The following GPC6 variants were observed in gnomAD, a reference collection of about 807,000 sequenced individuals.
GPC6 encodes glypican 6.
In GPC6, 14 loss-of-function variants were observed where a neutral mutation model predicts 55.2. The ratio of observed to expected loss-of-function variants is 0.25; its 90% CI spans 0.17 to 0.40. The LOEUF is 0.40. Ranked by LOEUF, GPC6 falls within the 10% of genes least tolerant of loss-of-function variation. The pLI, the probability that GPC6 is intolerant of heterozygous loss-of-function variation, is 1.00. For missense variants in GPC6, 641 were observed against 708.5 expected (o/e 0.90, Z 1.08); for synonymous variants, 278 against 259.6 (o/e 1.07, Z -0.68).
chr13:93,477,210 C>T (rs1879332286), intron 1 of GPC6, among the ~76,000 whole-genome samples: 1 of 151,536 alleles, frequency 6.6e-6, no homozygotes, highest in African/African-American at 2.4e-5. Context: ...TAGAGTATCC[C>T]AGATTTTAAA....
intron 4 of GPC6, among the ~76,000 whole-genome samples, chr13:94,055,050 G>A (rs1240455046): frequency 6.6e-6 from 1 of 152,178 alleles, no homozygotes; most frequent in Non-Finnish European, 1.5e-5. Context: ...TGTATGACTA[G>A]ATTCATATGC....
intron 2 of GPC6, among the ~76,000 whole-genome samples, chr13:93,550,429 A>G (rs1019105450): frequency 1.3e-5 from 2 of 152,142 alleles, no homozygotes; most frequent in African/African-American, 4.8e-5. Context: ...AATGATATAC[A>G]TATGTCCAGA....
chr13:93,651,697 C>G (rs1221804808), intron 2 of GPC6, among the ~76,000 whole-genome samples: 2 of 152,100 alleles, frequency 1.3e-5, no homozygotes, highest in Non-Finnish European at 2.9e-5. Context: ...GAGGAGGAAG[C>G]CTGGGTCTCC....
chr13:93,272,757 T>C (rs1386021000), intron 1 of GPC6, among the ~76,000 whole-genome samples: 1 of 152,176 alleles, frequency 6.6e-6, no homozygotes, highest in Non-Finnish European at 1.5e-5. Flanking sequence ...TGAGAATCTC[T>C]GAACAGACAG....
At chr13:94,261,119 C>G (rs901629029) in intron 4 of GPC6, among the ~76,000 whole-genome samples, 1 of 151,994 alleles carries the variant, frequency 6.6e-6, no homozygotes, top group Non-Finnish European at 1.5e-5. Context: ...ACTAAAAATA[C>G]AAAAATTAGC....
At chr13:93,581,446 T>C (rs923548826) in intron 2 of GPC6, among the ~76,000 whole-genome samples, 1 of 152,204 alleles carries the variant, frequency 6.6e-6, no homozygotes, top group African/African-American at 2.4e-5. Context: ...TTGTGGCTCA[T>C]GCCCTAATCC....
intron 3 of GPC6, among the ~76,000 whole-genome samples, chr13:93,919,783 G>T (rs756906127): frequency 1.3e-5 from 2 of 152,038 alleles, no homozygotes; most frequent in African/African-American, 2.4e-5. Context: ...TGTTTTTCAT[G>T]TTCAAATTTT....
intron 1 of GPC6, among the ~76,000 whole-genome samples, chr13:93,300,774 C>T (rs1218951561): frequency 1.3e-5 from 2 of 151,662 alleles, no homozygotes; most frequent in African/African-American, 4.8e-5. Flanking sequence ...AATCCCAGCA[C>T]TTTGGGAGGC....
chr13:93,731,642 GT>G (rs1425453481), intron 2 of GPC6, among the ~76,000 whole-genome samples: 1 of 152,130 alleles, frequency 6.6e-6, no homozygotes, highest in Non-Finnish European at 1.5e-5. Context: ...TATATTTTAA[GT>G]ATGGAGTATA....
At chr13:93,816,925 G>A (rs1886873548) in intron 2 of GPC6, among the ~76,000 whole-genome samples, 1 of 152,086 alleles carries the variant, frequency 6.6e-6, no homozygotes, top group African/African-American at 2.4e-5. Flanking sequence ...ATTTGAATCT[G>A]GTGAAGCTTA....
intron 4 of GPC6, among the ~76,000 whole-genome samples, chr13:94,207,283 G>A (rs1387689529): frequency 6.6e-6 from 1 of 152,106 alleles, no homozygotes; most frequent in Non-Finnish European, 1.5e-5. Context: ...ACCGCACTAA[G>A]ACAAATCCTG....
chr13:93,543,852 G>C (rs1464212934), intron 1 of GPC6, among the ~76,000 whole-genome samples: 1 of 152,048 alleles, frequency 6.6e-6, no homozygotes, highest in Non-Finnish European at 1.5e-5. Context: ...GTGGGTTGCT[G>C]GATGCTATTT....
At chr13:94,219,677 G>A (rs934316545) in intron 4 of GPC6, among the ~76,000 whole-genome samples, 3 of 152,152 alleles carry the variant, frequency 2.0e-5, no homozygotes, top group African/African-American at 7.2e-5. Flanking sequence ...GGCTTTGTTA[G>A]CAAAATTGGT....
At chr13:93,671,982 T>G (rs1488329061) in intron 2 of GPC6, among the ~76,000 whole-genome samples, 1 of 152,122 alleles carries the variant, frequency 6.6e-6, no homozygotes, top group African/African-American at 2.4e-5. Context: ...AAGATGACAC[T>G]ATGATTAGTT....
chr13:93,874,150 A>T (rs570220405), intron 3 of GPC6, among the ~76,000 whole-genome samples: 2 of 152,008 alleles, frequency 1.3e-5, no homozygotes, highest in South Asian at 4.1e-4. Context: ...TTATTTTATC[A>T]CCAGGTACTA....
At chr13:93,383,258 C>G (rs1422370254) in intron 1 of GPC6, among the ~76,000 whole-genome samples, 1 of 152,188 alleles carries the variant, frequency 6.6e-6, no homozygotes, top group Non-Finnish European at 1.5e-5. Flanking sequence ...GCTGTCCAGG[C>G]TGGAATGCAG....
intron 1 of GPC6, among the ~76,000 whole-genome samples, chr13:93,240,231 C>T (rs1876382514): frequency 6.6e-6 from 1 of 151,954 alleles, no homozygotes; most frequent in Non-Finnish European, 1.5e-5. Context: ...TTGAAGTCCC[C>T]CACTATGACT....
chr13:93,734,719 G>T (rs1327598975), intron 2 of GPC6, among the ~76,000 whole-genome samples: 3 of 151,978 alleles, frequency 2.0e-5, no homozygotes, highest in East Asian at 1.9e-4. Context: ...ATGAAAATTG[G>T]CTCTGATGGA....
intron 2 of GPC6, among the ~76,000 whole-genome samples, chr13:93,764,602 A>ACG (rs1885054183): frequency 6.6e-6 from 1 of 150,710 alleles, no homozygotes; most frequent in Non-Finnish European, 1.5e-5. Context: ...ACACACACAC[A>ACG]CACACACACC....
Sources: gnomAD v4.1 joint callset for allele counts (sites outside exome capture counted in the v4.1 genomes callset) on GRCh38, gnomAD v4.1.1 for gene constraint, MANE v1.5 for transcripts, NCBI Gene and HGNC (gene_info 2026-07-23, HGNC 2026-07-21) for gene names.